The following SCARB1 variants were observed in gnomAD, a reference collection of about 807,000 sequenced individuals.
SCARB1 encodes scavenger receptor class B member 1, also known as CD36 and LIMPII analogous 1.
SCARB1 carries 30 observed loss-of-function variants against 57.2 expected under a neutral mutation model. The ratio of observed to expected loss-of-function variants is 0.52; its 90% CI spans 0.39 to 0.71. SCARB1 has a LOEUF of 0.71. Among genes scored for constraint, SCARB1 ranks in the 30% least tolerant of loss-of-function variants. The probability of loss-of-function intolerance (pLI) is 0.00; values close to 1 mark genes in which losing one functional copy is unlikely to be tolerated. For missense variants in SCARB1, 543 were observed against 671.2 expected (o/e 0.81, Z 2.11); for synonymous variants, 249 against 268.3 (o/e 0.93, Z 0.70).
chr12:124,809,189 G>A (rs973435891), intron 6 of SCARB1, among the ~76,000 whole-genome samples: 1 of 152,164 alleles, frequency 6.6e-6, no homozygotes, highest in South Asian at 2.1e-4. Flanking sequence ...CACTCGGCGA[G>A]AAGAGGGGGT....
At position 124,807,762 on chromosome 12, in the gene SCARB1, G is replaced by A. The variant is rs561960354; in HGVS notation, c.1008C>T (p.Phe336=). 2.1e-4 allele frequency: 341 copies of A among 1,614,128 alleles called. 5 individuals carry two copies. In the South Asian group the frequency reaches 3.5e-3, roughly 16 times the overall value. ...CCCAGCACAGGGGACGGCACGTACT[G>A]AACCTGCAGGTGCTGACGTTCTGAA... ...SGIQNVSTCR[F]SAPLFLSHPH... is the part of the protein sequence containing the mutation. Residue 336 remains phenylalanine, a splice_region_variant and synonymous_variant, in exon 7 of 13, where the codon TTC becomes TTT. Transcript: ENST00000261693. This position sits in a 1 kb window ranked among gnomAD's most constrained non-coding sequence, Gnocchi z 5.3.
chr12:124,857,958 C>T (rs1210003358), intron 1 of SCARB1, among the ~76,000 whole-genome samples: 2 of 152,244 alleles, frequency 1.3e-5, no homozygotes, highest in Non-Finnish European at 2.9e-5. Context: ...TCCCCACGTC[C>T]ACCAGCTGGG....
At chr12:124,832,118 T>C (rs2135745834) in intron 1 of SCARB1, among the ~76,000 whole-genome samples, 1 of 152,368 alleles carries the variant, frequency 6.6e-6, no homozygotes, top group East Asian at 1.9e-4. Flanking sequence ...CACTGGTTCA[T>C]TCATAGCAAC....
Position 124,807,700 on chromosome 12 carries a change from A to G in SCARB1, c.1009+61T>C, listed in dbSNP as rs1594254393. The G allele has an allele frequency of 1.9e-6, 3 of 1,544,510 alleles. No individual in the cohort carries two copies. The highest frequency in any genetic ancestry group is 2.7e-6 in the Non-Finnish European group (3 of 1,120,208). ...TAAGCAGACAGCACTGGGCAGATAA[A>G]CCCTCAGCTGGCCCCACCCTCACAC... On this transcript the variant is annotated intron_variant, in intron 7 of 12. Coordinates refer to ENST00000261693, the MANE Select transcript of SCARB1 (RefSeq NM_005505.5). The surrounding 1 kb of genome is among the most constrained non-coding windows in gnomAD (Gnocchi z 5.3).
rs968688901 is a variant in SCARB1, at chr12:124,817,039, T to C, written c.284+511A>G. Among the ~76,000 whole-genome samples the C allele has an allele frequency of 2.0e-5, 3 of 150,876 alleles. No individual in the cohort carries two copies. The highest frequency in any genetic ancestry group is 4.9e-5 in the African/African-American group (2 of 40,582). On this transcript the variant is annotated intron_variant, in intron 2 of 12. Coordinates refer to ENST00000261693, the MANE Select transcript of SCARB1 (RefSeq NM_005505.5). This position sits in a 1 kb window ranked among gnomAD's most constrained non-coding sequence, Gnocchi z 4.8. ...TCATGCATGTGTGTGTGTGTGTGTG[T>C]GTGTGTGTGTATGTGTGTATGCATG...
chr12:124,799,510 G>A (rs1032156939), intron 8 of SCARB1, among the ~76,000 whole-genome samples: 6 of 152,094 alleles, frequency 3.9e-5, no homozygotes, highest in Non-Finnish European at 7.4e-5. Flanking sequence ...CTGGGCAACC[G>A]AGTGAGACCC....
At chr12:124,802,535 C>T (rs1010037062) in intron 7 of SCARB1, among the ~76,000 whole-genome samples, 1 of 152,132 alleles carries the variant, frequency 6.6e-6, no homozygotes, top group Non-Finnish European at 1.5e-5. Flanking sequence ...CAAACAAGCC[C>T]TGGCCTGCCC....
chr12:124,815,260 C>T lies in SCARB1; in HGVS notation c.285-146G>A. On this transcript the variant is annotated intron_variant, in intron 2 of 12. Transcript: ENST00000261693. Reference sequence around the variant, plus strand: ...CCACAGCCAAAGCTGAGCTCGGCCCCTTCGCCAAGTCTGTCCCTCCCGCCG... The same window carrying T: ...CCACAGCCAAAGCTGAGCTCGGCCCTTTCGCCAAGTCTGTCCCTCCCGCCG... 4.3e-6 allele frequency: 4 copies of T among 929,220 alleles called. No homozygotes were observed. In the South Asian group the frequency reaches 5.5e-5, roughly 13 times the overall value. The allele number at this position is 929,220 out of a possible 1,614,324, so 57.6% of individuals were successfully genotyped here.
At chr12:124,859,071 T>TG (rs1282111762) in intron 1 of SCARB1, among the ~76,000 whole-genome samples, 2 of 152,050 alleles carry the variant, frequency 1.3e-5, no homozygotes, top group South Asian at 2.1e-4. Flanking sequence ...TTTGTAGAGA[T>TG]GGGGGTCTCA....
At position 124,811,966 on chromosome 12, in the gene SCARB1, C is replaced by T; in HGVS notation, c.631-1G>A. ...AGAGCCCAGAGTCGGAGTTGTTGAG[C>T]TACAGACACAGCAGGGAACAGCATC... On this transcript the variant is annotated splice_acceptor_variant, in intron 4 of 12. Transcript: ENST00000261693. LOFTEE classifies it high-confidence loss of function. 1 of 1,610,188 alleles carries T rather than the reference C, an allele frequency of 6.2e-7. No homozygotes were observed. The highest frequency in any genetic ancestry group is 1.1e-5 in the South Asian group (1 of 90,242).
Position 124,837,810 on chromosome 12 carries a change from G to A in SCARB1, c.127-20103C>T, listed in dbSNP as rs534071124. 2.0e-5 allele frequency among the ~76,000 whole-genome samples: 3 copies of A among 152,238 alleles called. No individual in the cohort carries two copies. In the South Asian group the frequency reaches 6.2e-4, roughly 32 times the overall value. On this transcript the variant is annotated intron_variant, in intron 1 of 12. Coordinates refer to ENST00000261693, the MANE Select transcript of SCARB1 (RefSeq NM_005505.5). ...TCCCAGCTACTCAGGAGAGTAAGGT[G>A]GGAGGATAACGAGCCCAGGAGGTCT...
intron 1 of SCARB1, among the ~76,000 whole-genome samples, chr12:124,820,338 T>C (rs1256062034): frequency 1.3e-5 from 2 of 152,130 alleles, no homozygotes; most frequent in East Asian, 1.9e-4. Context: ...CAACTAAGGC[T>C]GGAGAGAGAT....
chr12:124,843,591 G>A (rs745663582), intron 1 of SCARB1, among the ~76,000 whole-genome samples: 35 of 152,256 alleles, frequency 2.3e-4, no homozygotes, highest in Middle Eastern at 6.8e-3. Context: ...CATGTCCCCT[G>A]CCAAATTCAT....
In SCARB1 at chr12:124,778,303, C is replaced by T; in HGVS notation, c.*284G>A. 3 of 668,678 alleles carry T rather than the reference C, an allele frequency of 4.5e-6. No individual in the cohort carries two copies. The highest frequency in any genetic ancestry group is 6.3e-6 in the Non-Finnish European group (3 of 473,146). The allele number at this position is 668,678 out of a possible 1,614,324, so 41.4% of individuals were successfully genotyped here. On this transcript the variant is annotated 3_prime_UTR_variant, in exon 13 of 13. Transcript: ENST00000261693. ...CCCCTGTGGTCAGGCCTGTGGGCCA[C>T]GTGGAGAGAAGGTTCCAGAACAGTG...
At chr12:124,850,580 G>A (rs2135824416) in intron 1 of SCARB1, among the ~76,000 whole-genome samples, 1 of 152,302 alleles carries the variant, frequency 6.6e-6, no homozygotes, top group South Asian at 2.1e-4. Flanking sequence ...TGAGGTGAGA[G>A]AATCGCTTGA....
intron 12 of SCARB1, 21 bp downstream of exon 12, chr12:124,782,662 A>G: frequency 6.2e-7 from 1 of 1,612,414 alleles, no homozygotes; most frequent in South Asian, 1.1e-5. Flanking sequence ...GGGGAGGCGC[A>G]CGGCATTACC....
intron 9 of SCARB1, among the ~76,000 whole-genome samples, chr12:124,791,863 G>A (rs1370935759): frequency 3.9e-5 from 6 of 152,044 alleles, no homozygotes; most frequent in Non-Finnish European, 7.4e-5. Flanking sequence ...GGCTGAGGCA[G>A]GAGAATCGCT....
In SCARB1 at chr12:124,807,658, G is replaced by A; in HGVS notation, c.1009+103C>T. ...TCTTCGCCTAATGGGATTATCAAGAGTACAGAGGCCAGAGATTAAGCAGAC... is the reference window on the plus strand; with the variant it reads ...TCTTCGCCTAATGGGATTATCAAGAATACAGAGGCCAGAGATTAAGCAGAC... On this transcript the variant is annotated intron_variant, in intron 7 of 12. Transcript: ENST00000261693. The surrounding 1 kb of genome is among the most constrained non-coding windows in gnomAD (Gnocchi z 5.3). 2 of 1,139,958 alleles carry A rather than the reference G, an allele frequency of 1.8e-6. No individual in the cohort carries two copies. The highest frequency in any genetic ancestry group is 2.6e-4 in the Middle Eastern group (1 of 3,778). The allele number at this position is 1,139,958 out of a possible 1,614,324, so 70.6% of individuals were successfully genotyped here.
At chr12:124,797,457 GC>G in intron 8 of SCARB1, among the ~76,000 whole-genome samples, 1 of 152,034 alleles carries the variant, frequency 6.6e-6, no homozygotes, top group Non-Finnish European at 1.5e-5. Context: ...TCCCCAACGT[GC>G]CCAGCTCAAA....
Sources: allele counts gnomAD v4.1 joint callset (sites outside exome capture counted in the v4.1 genomes callset), GRCh38; gene constraint gnomAD v4.1.1; non-coding constraint Gnocchi (gnomAD v3.1); transcripts MANE v1.5; gene names NCBI Gene and HGNC (gene_info 2026-07-23, HGNC 2026-07-21).